Variants in ACVR1B observed in about 807,000 individuals in gnomAD.
The protein encoded by ACVR1B is activin A receptor type 1B.
A neutral mutation model predicts 55.6 loss-of-function variants in ACVR1B; 15 were observed. The ratio of observed to expected loss-of-function variants is 0.27; its 90% CI spans 0.18 to 0.42. The LOEUF is 0.42. Among genes scored for constraint, ACVR1B ranks in the 10% least tolerant of loss-of-function variants. ACVR1B has a pLI of 1.00. For missense variants in ACVR1B, 359 were observed against 670.1 expected (o/e 0.54, Z 5.13); for synonymous variants, 247 against 254.6 (o/e 0.97, Z 0.28).
Position 51,994,357 on chromosome 12 carries a change from G to C in ACVR1B, c.*247G>C, listed in dbSNP as rs1942258817. 1 of 452,362 alleles carries C rather than the reference G, an allele frequency of 2.2e-6. No individual in the cohort carries two copies. Among genetic ancestry groups the C allele is most frequent in the Admixed American group, 4.0e-5 (1 of 24,966 alleles). 28.0% of individuals were successfully genotyped at this position (452,362 alleles called of 1,614,324 possible). ...GAGCGAATTGTGTGGAGAACTCAGT[G>C]CCACACCTCGAACTGGTTGTAGTGG... On this transcript the variant is annotated 3_prime_UTR_variant, in exon 9 of 9. Transcript: ENST00000257963. This position sits in a 1 kb window ranked among gnomAD's most constrained non-coding sequence, Gnocchi z 4.2.
chr12:51,991,144 T>C (rs770400017), intron 7 of ACVR1B, among the ~76,000 whole-genome samples: 9 of 152,226 alleles, frequency 5.9e-5, no homozygotes, highest in Non-Finnish European at 1.2e-4. Flanking sequence ...TTTCCACTTA[T>C]TTACCATTTT....
At chr12:51,964,001 A>G (rs1384378617) in intron 1 of ACVR1B, among the ~76,000 whole-genome samples, 1 of 152,230 alleles carries the variant, frequency 6.6e-6, no homozygotes, top group African/African-American at 2.4e-5. Flanking sequence ...ATAAAGTAGT[A>G]TCTCATTATG....
chr12:51,962,629 C>T (rs550462332), intron 1 of ACVR1B, among the ~76,000 whole-genome samples: 2 of 152,182 alleles, frequency 1.3e-5, no homozygotes, highest in Admixed American at 6.5e-5. Context: ...CTTCCTGCCC[C>T]CCAAGAAAGC....
intron 1 of ACVR1B, among the ~76,000 whole-genome samples, chr12:51,963,913 A>G (rs1941589690): frequency 6.6e-6 from 1 of 152,212 alleles, no homozygotes. Flanking sequence ...GCAATGCACC[A>G]AGGGTTCCAG....
At chr12:51,960,543 C>G (rs1941499592) in intron 1 of ACVR1B, among the ~76,000 whole-genome samples, 1 of 152,148 alleles carries the variant, frequency 6.6e-6, no homozygotes, top group African/African-American at 2.4e-5. Flanking sequence ...TTACTATATA[C>G]TAAAGTATTA....
At chr12:51,951,921 C>A in intron 1 of ACVR1B, 87 bp downstream of exon 1, 1 of 807,590 alleles carries the variant, frequency 1.2e-6, no homozygotes, top group Non-Finnish European at 1.7e-6. Context: ...GACTACAGCG[C>A]GCCCCCTCCC....
rs146270161 is a variant in ACVR1B, at chr12:51,964,504, T to G, written c.92-10761T>G. ...GTTTATCCATTTTACTTTTGTTGCT[T>G]GTGCTTTGGTGTCATATCTGACAGA... On this transcript the variant is annotated intron_variant, in intron 1 of 8. Coordinates refer to ENST00000257963, the MANE Select transcript of ACVR1B (RefSeq NM_004302.5). Among the ~76,000 whole-genome samples, 280 of 152,360 alleles carry G rather than the reference T, an allele frequency of 1.8e-3. 4 individuals carry two copies. The highest frequency in any genetic ancestry group is 6.4e-3 in the African/African-American group (266 of 41,592).
At chr12:51,964,974 G>A (rs1033375945) in intron 1 of ACVR1B, among the ~76,000 whole-genome samples, 1 of 150,776 alleles carries the variant, frequency 6.6e-6, no homozygotes, top group African/African-American at 2.4e-5. Flanking sequence ...TTTGGGATCG[G>A]CTTTTTCATT....
chr12:51,982,375 T>G (rs1941996357), intron 4 of ACVR1B, among the ~76,000 whole-genome samples: 1 of 152,156 alleles, frequency 6.6e-6, no homozygotes. Context: ...TAATTAAAAT[T>G]TCATTCATTA....
At chr12:51,964,822 T>C (rs1941609081) in intron 1 of ACVR1B, among the ~76,000 whole-genome samples, 1 of 152,230 alleles carries the variant, frequency 6.6e-6, no homozygotes, top group African/African-American at 2.4e-5. Flanking sequence ...TTGGTTTGTA[T>C]GTCTATACTT....
intron 7 of ACVR1B, chr12:51,987,226 G>C: frequency 1.5e-6 from 1 of 651,704 alleles, no homozygotes; most frequent in South Asian, 1.8e-5. Context: ...TCCGTGGCGG[G>C]GAGTGCCCCG....
chr12:51,976,619 C>T (rs1391936532), intron 3 of ACVR1B, 44 bp downstream of exon 3: 1 of 1,605,666 alleles, frequency 6.2e-7, no homozygotes, highest in South Asian at 1.1e-5. Flanking sequence ...TGGCTTTCAT[C>T]AGTTTCCCAG....
At chr12:51,958,779 C>G (rs1490990395) in intron 1 of ACVR1B, among the ~76,000 whole-genome samples, 1 of 152,232 alleles carries the variant, frequency 6.6e-6, no homozygotes, top group Non-Finnish European at 1.5e-5. Context: ...TCTAATGCCG[C>G]CGCTGATGTG....
chr12:51,992,364 G>A (rs1380170623), intron 8 of ACVR1B: 1 of 309,716 alleles, frequency 3.2e-6, no homozygotes, highest in African/African-American at 2.2e-5. Flanking sequence ...ATTAGGCTTG[G>A]TGGCACACCA....
At position 51,993,209 on chromosome 12, in the gene ACVR1B, C is replaced by T. The variant is rs571197464; in HGVS notation, c.1393-776C>T. On this transcript the variant is annotated intron_variant, in intron 8 of 8. Transcript: ENST00000257963. ...GTATTGTTGACTCTAGTCACCTTGCCGTCCATTAGAGCCCCAGAACTTACC... is the reference window on the plus strand; with the variant it reads ...GTATTGTTGACTCTAGTCACCTTGCTGTCCATTAGAGCCCCAGAACTTACC... Among the ~76,000 whole-genome samples, 9 of 152,280 alleles carry T rather than the reference C, an allele frequency of 5.9e-5. No individual in the cohort carries two copies. The South Asian group carries it at 8.3e-4, about 14-fold the overall frequency.
intron 7 of ACVR1B, among the ~76,000 whole-genome samples, chr12:51,990,301 C>G (rs1942165962): frequency 7.6e-6 from 1 of 130,754 alleles, no homozygotes; most frequent in East Asian, 2.5e-4. Flanking sequence ...CACACACACA[C>G]AAATTTAGTG....
At chr12:51,985,431 A>AGGAGGTGTTG in intron 6 of ACVR1B, 83 bp downstream of exon 6, 1 of 1,481,480 alleles carries the variant, frequency 6.8e-7, no homozygotes, top group African/African-American at 1.4e-5. Flanking sequence ...GCGCAGGAGA[A>AGGAGGTGTTG]GGAGGTGTTG....
At chr12:51,979,024 G>A (rs1026447567) in intron 3 of ACVR1B, among the ~76,000 whole-genome samples, 5 of 151,578 alleles carry the variant, frequency 3.3e-5, no homozygotes, top group Admixed American at 6.6e-5. Context: ...TTAGCCGGGT[G>A]TAGTGGCACA....
At chr12:51,984,200 G>A (rs760297047) in intron 5 of ACVR1B, 34 bp downstream of exon 5, 2 of 1,612,558 alleles carry the variant, frequency 1.2e-6, no homozygotes, top group Non-Finnish European at 1.7e-6. Context: ...GCGAAGTGGT[G>A]TAGGCATGAA....
Sources: allele counts gnomAD v4.1 joint callset (sites outside exome capture counted in the v4.1 genomes callset), GRCh38; gene constraint gnomAD v4.1.1; non-coding constraint Gnocchi (gnomAD v3.1); transcripts MANE v1.5; gene names NCBI Gene and HGNC (gene_info 2026-07-23, HGNC 2026-07-21).